GGNBP2: variants seen among roughly 807,000 people sequenced by gnomAD.
The protein encoded by GGNBP2 is gametogenetin-binding protein 2.
GGNBP2 carries 10 observed loss-of-function variants against 85.9 expected under a neutral mutation model. That is an observed-to-expected ratio of 0.12 (90% CI 0.07 to 0.20). The LOEUF is 0.20. Ranked by LOEUF, GGNBP2 falls within the 10% of genes least tolerant of loss-of-function variation. The pLI is 1.00. For synonymous variants in GGNBP2, 287 were observed against 285.7 expected (o/e 1.00, Z -0.05); for missense variants, 595 against 857.8 (o/e 0.69, Z 3.83).
intron 6 of GGNBP2, chr17:36,574,794 T>C: frequency 1.5e-6 from 1 of 654,398 alleles, no homozygotes; most frequent in East Asian, 2.7e-5. Flanking sequence ...CCTGTCGGCT[T>C]GCAAGGGATG....
Position 36,581,540 on chromosome 17 carries a change from T to A in GGNBP2, c.1215+2T>A. Reference sequence around the variant, plus strand: ...GAAAAGGAAGTAAGCCAAGAGAAGGTAATATTTCTTAATATCAACTCTTAA... The same window carrying A: ...GAAAAGGAAGTAAGCCAAGAGAAGGAAATATTTCTTAATATCAACTCTTAA... On this transcript the variant is annotated splice_donor_variant, in intron 9 of 13. Transcript: ENST00000613102. LOFTEE classifies it high-confidence loss of function. 1 of 1,584,482 alleles carries A rather than the reference T, an allele frequency of 6.3e-7. No homozygotes were observed. Among genetic ancestry groups the A allele is most frequent in the Non-Finnish European group, 8.6e-7 (1 of 1,157,068 alleles).
At position 36,545,704 on chromosome 17, in the gene GGNBP2, G is replaced by A. The variant is rs1182982664; in HGVS notation, c.-21G>A. On this transcript the variant is annotated 5_prime_UTR_variant, in exon 2 of 14. Transcript: ENST00000613102. ...CAGCTGGGAGGAGGTGGTGACGGTG[G>A]CAACGGCAGCGTCGGGGACGATGGC... The A allele has an allele frequency of 1.3e-6, 2 of 1,549,452 alleles. No individual in the cohort carries two copies. Among genetic ancestry groups the A allele is most frequent in the African/African-American group, 2.7e-5 (2 of 73,162 alleles).
At position 36,574,549 on chromosome 17, in the gene GGNBP2, A is replaced by G. The variant is rs75295196; in HGVS notation, c.642-3434A>G. 158 of 432,958 alleles carry G rather than the reference A, an allele frequency of 3.6e-4. No homozygotes were observed. In the East Asian group the frequency reaches 8.0e-3, roughly 22 times the overall value. The allele number at this position is 432,958 out of a possible 1,614,324, so 26.8% of individuals were successfully genotyped here. On this transcript the variant is annotated intron_variant, in intron 6 of 13. Transcript: ENST00000613102. Reference sequence around the variant, plus strand: ...GATGGTCAGTGAATTCCTGACAGGAAGACTTGATGAATACAGTCTCCTTCC... The same window carrying G: ...GATGGTCAGTGAATTCCTGACAGGAGGACTTGATGAATACAGTCTCCTTCC...
chr17:36,588,603 TA>T lies in GGNBP2; in HGVS notation c.1891-604del, dbSNP rs202054291. On this transcript the variant is annotated intron_variant, in intron 13 of 13. Coordinates refer to ENST00000613102, the MANE Select transcript of GGNBP2 (RefSeq NM_024835.5). ...GTAAAGTTTAGTTTTAATATTTATT[TA>T]TTTTTTTTTTTTGAGGAGTCTCGCT... is the stretch of plus-strand genomic sequence containing the variant. 1.2e-3 allele frequency among the ~76,000 whole-genome samples: 174 copies of T among 150,264 alleles called. 3 individuals carry two copies. In the East Asian group the frequency reaches 0.013, roughly 11 times the overall value.
At chr17:36,575,648 A>ATATATATATATATATTT (rs374366757) in intron 6 of GGNBP2, among the ~76,000 whole-genome samples, 3 of 54,912 alleles carry the variant, frequency 5.5e-5, no homozygotes, top group African/African-American at 2.2e-4. Flanking sequence ...ATATATATAT[A>ATATATATATATATATTT]TTTTTTTTTT....
At chr17:36,554,794 G>A in intron 2 of GGNBP2, 26 bp from the exon 3 acceptor site, 1 of 1,424,530 alleles carries the variant, frequency 7.0e-7, no homozygotes, top group Non-Finnish European at 9.9e-7. Flanking sequence ...TAAAGTAATT[G>A]ATTTCCGTTC....
chr17:36,558,648 G>T (rs2074387477), intron 4 of GGNBP2, among the ~76,000 whole-genome samples: 1 of 151,444 alleles, frequency 6.6e-6, no homozygotes, highest in African/African-American at 2.4e-5. Context: ...TAGAGACAGG[G>T]TTTCGCTATG....
chr17:36,564,634 A>G (rs571181697), intron 5 of GGNBP2, among the ~76,000 whole-genome samples: 2 of 152,300 alleles, frequency 1.3e-5, no homozygotes, highest in South Asian at 2.1e-4. Context: ...CACAGGCCAC[A>G]TAGAATAGCA....
rs3736167 is a variant in GGNBP2, at chr17:36,544,998, A to C, written c.-206A>C. On this transcript the variant is annotated 5_prime_UTR_variant, in exon 1 of 14. Coordinates refer to ENST00000613102, the MANE Select transcript of GGNBP2 (RefSeq NM_024835.5). ...TGCGCTCCCGCCCACGCCGGCCCTG[A>C]CGCGGGCCTCGTCAGCCAGTAACAG... 0.3 allele frequency: 45,495 copies of C among 152,262 alleles called. 8,248 individuals are homozygous for C. Among genetic ancestry groups the C allele is most frequent in the Non-Finnish European group, 0.41 (27,727 of 67,924 alleles). The allele number at this position is 152,262 out of a possible 1,614,324, so 9.4% of individuals were successfully genotyped here.
intron 2 of GGNBP2, among the ~76,000 whole-genome samples, chr17:36,551,389 A>G (rs2074307127): frequency 6.6e-6 from 1 of 151,984 alleles, no homozygotes; most frequent in African/African-American, 2.4e-5. Context: ...TTTTTAGTAC[A>G]GACAGGGTTT....
chr17:36,565,739 T>C (rs530510742), intron 5 of GGNBP2, among the ~76,000 whole-genome samples: 2 of 152,110 alleles, frequency 1.3e-5, no homozygotes, highest in South Asian at 4.2e-4. Context: ...CTACTAAAAA[T>C]ACAAAAATTA....
chr17:36,585,017 T>G (rs777205488), intron 9 of GGNBP2, among the ~76,000 whole-genome samples: 2 of 152,192 alleles, frequency 1.3e-5, no homozygotes, highest in Admixed American at 6.5e-5. Flanking sequence ...TTAATATTTT[T>G]ACAGCTTCCT....
At chr17:36,570,946 G>A (rs180845349) in intron 6 of GGNBP2, among the ~76,000 whole-genome samples, 1 of 152,210 alleles carries the variant, frequency 6.6e-6, no homozygotes, top group Admixed American at 6.5e-5. Flanking sequence ...CTGGAATCTG[G>A]GAGGCAGAGT....
chr17:36,572,595 G>T (rs917022067), intron 6 of GGNBP2, among the ~76,000 whole-genome samples: 1 of 152,044 alleles, frequency 6.6e-6, no homozygotes, highest in Non-Finnish European at 1.5e-5. Flanking sequence ...TGGATGAGGC[G>T]GGGAGGGTCA....
chr17:36,585,760 G>A, intron 10 of GGNBP2, 80 bp from the exon 11 acceptor site: 1 of 1,216,600 alleles, frequency 8.2e-7, no homozygotes, highest in Middle Eastern at 2.0e-4. Context: ...AGATTTTTCT[G>A]TGGTCCCCAA....
intron 10 of GGNBP2, 75 bp from the exon 11 acceptor site, chr17:36,585,764 TC>T: frequency 7.9e-7 from 1 of 1,271,308 alleles, no homozygotes; most frequent in South Asian, 1.5e-5. Context: ...TTTTCTGTGG[TC>T]CCCAAAGAGT....
At chr17:36,550,659 A>T (rs1205950311) in intron 2 of GGNBP2, among the ~76,000 whole-genome samples, 1 of 152,242 alleles carries the variant, frequency 6.6e-6, no homozygotes, top group Admixed American at 6.5e-5. Context: ...GATACTTAAG[A>T]GTGAAAGTGG....
At chr17:36,583,253 C>T (rs990604045) in intron 9 of GGNBP2, among the ~76,000 whole-genome samples, 5 of 151,718 alleles carry the variant, frequency 3.3e-5, no homozygotes, top group African/African-American at 4.8e-5. Flanking sequence ...AGGGTTTCAC[C>T]ATGTTGGCCA....
intron 4 of GGNBP2, among the ~76,000 whole-genome samples, chr17:36,559,155 C>T (rs964075220): frequency 3.3e-5 from 5 of 151,176 alleles, no homozygotes; most frequent in East Asian, 2.0e-4. Flanking sequence ...AAAAATTAGC[C>T]GGGCGTGGTG....
Sources: allele counts gnomAD v4.1 joint callset (sites outside exome capture counted in the v4.1 genomes callset), GRCh38; gene constraint gnomAD v4.1.1; transcripts MANE v1.5; gene names NCBI Gene and HGNC (gene_info 2026-07-23, HGNC 2026-07-21).